SORCS2: variants seen among roughly 807,000 people sequenced by gnomAD.
SORCS2 encodes sortilin related VPS10 domain containing receptor 2, also known as VPS10 domain-containing receptor SorCS2.
In SORCS2, 100 loss-of-function variants were observed where a neutral mutation model predicts 141.6. The ratio of observed to expected loss-of-function variants is 0.71; its 90% confidence interval spans 0.60 to 0.83. SORCS2 has a LOEUF of 0.83. SORCS2 is among the 40% of genes least tolerant of loss of function. The pLI is 0.00. For synonymous variants in SORCS2, 789 were observed against 676.9 expected, an observed-to-expected ratio of 1.17 and a Z score of -2.57; for missense variants, 1,646 against 1,560.2, an observed-to-expected ratio of 1.05 and a Z score of -0.93.
At chr4:7,683,806 C>T (rs944274614) in intron 10 of SORCS2, among the ~76,000 whole-genome samples, 6 of 152,264 alleles carry the variant, frequency 3.9e-5, no homozygotes, top group East Asian at 1.9e-4. Flanking sequence ...ATAGAAGTAT[C>T]GACTGCCTGA....
chr4:7,342,170 C>T (rs1720405486), intron 1 of SORCS2, among the ~76,000 whole-genome samples: 1 of 152,188 alleles, frequency 6.6e-6, no homozygotes, highest in South Asian at 2.1e-4. Context: ...ACTGAGTGCC[C>T]ACTGGGTGCC....
intron 2 of SORCS2, among the ~76,000 whole-genome samples, chr4:7,453,765 G>A (rs1442340349): frequency 1.6e-5 from 2 of 124,238 alleles, no homozygotes; most frequent in East Asian, 2.7e-4. Context: ...GCTGTGTGTT[G>A]GGGTCAGGTG....
intron 1 of SORCS2, among the ~76,000 whole-genome samples, chr4:7,296,115 C>T (rs532293611): frequency 6.7e-4 from 102 of 152,316 alleles, no homozygotes; most frequent in African/African-American, 1.9e-3. Flanking sequence ...GCCTCTTCCT[C>T]TTGGCTGCAG....
At chr4:7,266,999 G>A (rs1714780700) in intron 1 of SORCS2, among the ~76,000 whole-genome samples, 1 of 152,094 alleles carries the variant, frequency 6.6e-6, no homozygotes, top group South Asian at 2.1e-4. Flanking sequence ...GCAGGGGAGG[G>A]CCACAGAGAG....
intron 1 of SORCS2, among the ~76,000 whole-genome samples, chr4:7,325,324 G>C (rs1464981959): frequency 6.6e-6 from 1 of 152,218 alleles, no homozygotes; most frequent in African/African-American, 2.4e-5. Flanking sequence ...GGGGGTGATT[G>C]CTTTGAGGTT....
intron 1 of SORCS2, among the ~76,000 whole-genome samples, chr4:7,234,811 A>G (rs1712147688): frequency 6.6e-6 from 1 of 152,240 alleles, no homozygotes; most frequent in Non-Finnish European, 1.5e-5. Flanking sequence ...CAGGAGCCTG[A>G]TGATGGCTGC....
chr4:7,526,008 C>A (rs1273822539), intron 2 of SORCS2, among the ~76,000 whole-genome samples: 1 of 127,436 alleles, frequency 7.8e-6, no homozygotes, highest in Non-Finnish European at 1.7e-5. Context: ...AGTCACCTGT[C>A]CCCTCCTCAG....
intron 3 of SORCS2, among the ~76,000 whole-genome samples, chr4:7,602,763 C>T (rs1227351128): frequency 1.6e-4 from 24 of 152,132 alleles, no homozygotes; most frequent in African/African-American, 2.4e-4. Flanking sequence ...GGGTGGCGGC[C>T]GGGCAGAGGC....
chr4:7,362,708 CA>C (rs1358466658), intron 1 of SORCS2, among the ~76,000 whole-genome samples: 1 of 152,024 alleles, frequency 6.6e-6, no homozygotes, highest in Admixed American at 6.6e-5. Flanking sequence ...CCATCACTAC[CA>C]CCATCATTAC....
In SORCS2 at chr4:7,348,553, T is replaced by C. The variant is rs184642729; in HGVS notation, c.481-47735T>C. Among the ~76,000 whole-genome samples the C allele has an allele frequency of 3.3e-5, 5 of 152,296 alleles. No homozygotes were observed. In the East Asian group the frequency reaches 9.6e-4, roughly 29 times the overall value. ...AGGAACAAATTTCAATCTTGTGTTG[T>C]TGTTTTTTGTATTTTGAGATGGAGT... On this transcript the variant is annotated intron_variant, in intron 1 of 26. Coordinates refer to ENST00000507866, the MANE Select transcript of SORCS2 (RefSeq NM_020777.3).
intron 12 of SORCS2, among the ~76,000 whole-genome samples, chr4:7,702,279 G>A (rs1050897899): frequency 6.6e-6 from 1 of 152,212 alleles, no homozygotes; most frequent in African/African-American, 2.4e-5. Flanking sequence ...AGGAGGGGCG[G>A]TATGGGGCGA....
chr4:7,530,478 C>A (rs185443183), intron 2 of SORCS2, among the ~76,000 whole-genome samples: 1 of 152,210 alleles, frequency 6.6e-6, no homozygotes, highest in Non-Finnish European at 1.5e-5. Context: ...ACAGGAGCCC[C>A]ACGGCCGTGT....
intron 1 of SORCS2, among the ~76,000 whole-genome samples, chr4:7,393,349 C>G (rs1723985721): frequency 6.6e-6 from 1 of 152,136 alleles, no homozygotes; most frequent in South Asian, 2.1e-4. Flanking sequence ...ACACGTCAGC[C>G]ACTGAAAAAA....
At chr4:7,535,605 C>A (rs750881592) in intron 3 of SORCS2, among the ~76,000 whole-genome samples, 1 of 152,234 alleles carries the variant, frequency 6.6e-6, no homozygotes, top group Non-Finnish European at 1.5e-5. Context: ...GGGCCTGGCC[C>A]GAGGGAAGAC....
intron 1 of SORCS2, among the ~76,000 whole-genome samples, chr4:7,213,957 C>G (rs1728187823): frequency 6.6e-6 from 1 of 152,312 alleles, no homozygotes; most frequent in African/African-American, 2.4e-5. Flanking sequence ...AGGTTCCCTG[C>G]AGCGAGTGAG....
chr4:7,304,762 G>T (rs1282907971), intron 1 of SORCS2, among the ~76,000 whole-genome samples: 2 of 152,314 alleles, frequency 1.3e-5, no homozygotes, highest in Admixed American at 6.5e-5. Context: ...AGAGCTTGGT[G>T]GGGGGCCTCA....
In SORCS2 at chr4:7,623,637, C is replaced by T. The variant is rs182833571; in HGVS notation, c.649-14691C>T. ...CGGCTGTCTCCTCCTCCCCATCCCA[C>T]GGCGTCCTCGTTCCCTTCCTGCTGG... On this transcript the variant is annotated intron_variant, in intron 3 of 26. Coordinates refer to ENST00000507866, the MANE Select transcript of SORCS2 (RefSeq NM_020777.3). Among the ~76,000 whole-genome samples, 26 of 152,290 alleles carry T rather than the reference C, an allele frequency of 1.7e-4. No homozygotes were observed. The East Asian group carries it at 4.6e-3, about 27-fold the overall frequency.
chr4:7,437,397 G>A (rs1459216190), intron 2 of SORCS2, among the ~76,000 whole-genome samples: 1 of 152,122 alleles, frequency 6.6e-6, no homozygotes, highest in East Asian at 1.9e-4. Context: ...CCCTCCTCAC[G>A]CCCCCATGTG....
chr4:7,280,477 G>A (rs1231360907), intron 1 of SORCS2, among the ~76,000 whole-genome samples: 1 of 152,080 alleles, frequency 6.6e-6, no homozygotes, highest in Non-Finnish European at 1.5e-5. Flanking sequence ...CATTTGGGGA[G>A]CCCATCTCTT....
Sources: gnomAD v4.1 joint callset for allele counts (sites outside exome capture counted in the v4.1 genomes callset) on GRCh38, gnomAD v4.1.1 for gene constraint, MANE v1.5 for transcripts, NCBI Gene and HGNC (gene_info 2026-07-23, HGNC 2026-07-21) for gene names.